QTMAN: variants seen among roughly 807,000 people sequenced by gnomAD.
QTMAN encodes queuosine-tRNA mannosyltransferase.
chr2:144,211,203 C>T, the QTMAN span: 1 of 152,058 alleles, frequency 6.6e-6, no homozygotes, highest in African/African-American at 2.4e-5. Flanking sequence ...TCAAGACGCT[C>T]AGTAGGCAGA....
At chr2:144,263,306 T>C in the QTMAN span, among the ~76,000 whole-genome samples, 51 of 152,260 alleles carry the variant, frequency 3.3e-4, no homozygotes, top group African/African-American at 1.1e-3. Flanking sequence ...TACTGTACAC[T>C]GATATGGGTG....
the QTMAN span, chr2:143,951,908 A>T: frequency 2.6e-6 from 2 of 757,360 alleles, no homozygotes; most frequent in Non-Finnish European, 4.6e-6. Flanking sequence ...TGTTAATTAA[A>T]TGTTTTTTTT....
At chr2:144,277,070 T>C in the QTMAN span, among the ~76,000 whole-genome samples, 1 of 152,196 alleles carries the variant, frequency 6.6e-6, no homozygotes, top group Non-Finnish European at 1.5e-5. Flanking sequence ...TAGTATGAAG[T>C]AAGGCAGACA....
the QTMAN span, among the ~76,000 whole-genome samples, chr2:144,226,175 A>C: frequency 2.0e-5 from 3 of 152,090 alleles, no homozygotes; most frequent in African/African-American, 7.3e-5. Context: ...ACAGTAAAAA[A>C]TAAAGTGTGA....
the QTMAN span, among the ~76,000 whole-genome samples, chr2:144,107,042 T>C: frequency 1.3e-5 from 2 of 152,202 alleles, no homozygotes; most frequent in African/African-American, 4.8e-5. Context: ...GAAATAAAGA[T>C]GTTCTTTGAA....
chr2:144,194,026 C>A, the QTMAN span, among the ~76,000 whole-genome samples: 21 of 152,188 alleles, frequency 1.4e-4, no homozygotes, highest in Admixed American at 9.8e-4. Flanking sequence ...ACTCTTTAAG[C>A]ACTACGTTTT....
chr2:144,123,382 G>A, the QTMAN span, among the ~76,000 whole-genome samples: 1 of 152,038 alleles, frequency 6.6e-6, no homozygotes, highest in African/African-American at 2.4e-5. Context: ...GGCATTTTTT[G>A]GAGTCTTATA....
At chr2:144,004,695 G>T in the QTMAN span, among the ~76,000 whole-genome samples, 2 of 151,826 alleles carry the variant, frequency 1.3e-5, no homozygotes, top group African/African-American at 4.8e-5. Context: ...AGTGGCATTT[G>T]AAAAAAGTGT....
chr2:144,245,866 T>C, the QTMAN span, among the ~76,000 whole-genome samples: 1 of 152,178 alleles, frequency 6.6e-6, no homozygotes, highest in Non-Finnish European at 1.5e-5. Flanking sequence ...TTATTTGAAG[T>C]AGTATCCCTC....
At chr2:144,307,354 A>G in the QTMAN span, among the ~76,000 whole-genome samples, 1 of 152,126 alleles carries the variant, frequency 6.6e-6, no homozygotes, top group Non-Finnish European at 1.5e-5. Flanking sequence ...CTTAGAGCTA[A>G]TATCACACGT....
the QTMAN span, among the ~76,000 whole-genome samples, chr2:144,092,908 TG>T: frequency 6.6e-6 from 1 of 151,262 alleles, no homozygotes; most frequent in Non-Finnish European, 1.5e-5. Context: ...TGTGTGTGTG[TG>T]TAGGAAACAC....
At chr2:144,036,611 AAAG>A in the QTMAN span, among the ~76,000 whole-genome samples, 1 of 152,196 alleles carries the variant, frequency 6.6e-6, no homozygotes, top group South Asian at 2.1e-4. Context: ...ATTTTTTTAA[AAAG>A]AAGGTACCTA....
the QTMAN span, among the ~76,000 whole-genome samples, chr2:144,249,094 C>T: frequency 2.0e-5 from 3 of 151,992 alleles, no homozygotes; most frequent in African/African-American, 7.3e-5. Flanking sequence ...CAAATGAAGT[C>T]GAAATTTAAA....
At chr2:144,210,087 G>A in the QTMAN span, among the ~76,000 whole-genome samples, 2 of 152,004 alleles carry the variant, frequency 1.3e-5, no homozygotes, top group Non-Finnish European at 2.9e-5. Flanking sequence ...GACTGTGTGT[G>A]TATATTTCAT....
the QTMAN span, among the ~76,000 whole-genome samples, chr2:144,012,675 A>G: frequency 6.6e-6 from 1 of 152,190 alleles, no homozygotes. Flanking sequence ...GGTAAGTTCA[A>G]CCTACAGAAT....
chr2:144,278,337 C>T, the QTMAN span, among the ~76,000 whole-genome samples: 1 of 152,038 alleles, frequency 6.6e-6, no homozygotes, highest in South Asian at 2.1e-4. Flanking sequence ...TTGGTTTAGC[C>T]TCATGATTTC....
chr2:144,024,977 C>T, the QTMAN span, among the ~76,000 whole-genome samples: 1 of 152,046 alleles, frequency 6.6e-6, no homozygotes, highest in African/African-American at 2.4e-5. Context: ...CATGATATCC[C>T]CATCACACGA....
chr2:144,227,207 C>T, the QTMAN span, among the ~76,000 whole-genome samples: 1 of 152,002 alleles, frequency 6.6e-6, no homozygotes, highest in African/African-American at 2.4e-5. Context: ...AAATAAATTC[C>T]GATTGCCTAT....
the QTMAN span, among the ~76,000 whole-genome samples, chr2:144,055,884 G>A: frequency 6.6e-6 from 1 of 152,104 alleles, no homozygotes; most frequent in Admixed American, 6.5e-5. Flanking sequence ...AGTGGAAGAA[G>A]GTATATATAC....
Sources: allele counts gnomAD v4.1 joint callset (sites outside exome capture counted in the v4.1 genomes callset), GRCh38; gene constraint gnomAD v4.1.1; transcripts MANE v1.5; gene names NCBI Gene and HGNC (gene_info 2026-07-23, HGNC 2026-07-21).